The following ARHGAP8 variants were observed in gnomAD, a reference collection of about 807,000 sequenced individuals.
The protein encoded by ARHGAP8 is rho GTPase-activating protein 8.
Under a neutral mutation model 46.1 loss-of-function variants are expected in ARHGAP8, and 62 were observed. That is an observed-to-expected ratio of 1.34 (90% confidence interval 1.10 to 1.66). The LOEUF (loss-of-function observed/expected upper bound fraction) is 1.66, where lower values mean the gene tolerates loss of function less well. Among genes scored for constraint, ARHGAP8 ranks in the 40% most tolerant of loss-of-function variants. ARHGAP8 has a pLI of 0.00. For missense variants in ARHGAP8, 923 were observed against 568.4 expected, an observed-to-expected ratio of 1.62 and a Z score of -6.34; for synonymous variants, 375 against 243.1, an observed-to-expected ratio of 1.54 and a Z score of -5.05.
At chr22:44,838,140 A>ATTTTTTTTTTTTTTTT (rs61131873) in intron 7 of ARHGAP8, among the ~76,000 whole-genome samples, 17 of 143,500 alleles carry the variant, frequency 1.2e-4, no homozygotes, top group African/African-American at 4.4e-4. Flanking sequence ...TGCCTGGCTA[A>ATTTTTTTTTTTTTTTT]TTTTTTTTTT....
At chr22:44,850,286 T>G (rs1789151565) in intron 10 of ARHGAP8, 4 of 152,254 alleles carry the variant, frequency 2.6e-5, no homozygotes, top group African/African-American at 9.6e-5. Flanking sequence ...GCTGACTGAC[T>G]TTGGCTAGTG....
At chr22:44,810,273 A>G (rs546916833) in intron 4 of ARHGAP8, among the ~76,000 whole-genome samples, 45 of 120,364 alleles carry the variant, frequency 3.7e-4, no homozygotes, top group African/African-American at 1.4e-3. Context: ...ACAGAGTCTC[A>G]TTCTATTGCC....
intron 7 of ARHGAP8, among the ~76,000 whole-genome samples, chr22:44,827,350 T>TTTTG (rs1555916298): frequency 7.7e-6 from 1 of 130,010 alleles, no homozygotes; most frequent in African/African-American, 2.9e-5. Context: ...TTTTTTTTTT[T>TTTTG]TTTTTTTTTT....
intron 3 of ARHGAP8, among the ~76,000 whole-genome samples, chr22:44,806,679 G>A (rs1332008309): frequency 6.6e-6 from 1 of 152,140 alleles, no homozygotes; most frequent in Non-Finnish European, 1.5e-5. Context: ...CACAGGCCGG[G>A]CACGGTGGCT....
chr22:44,803,276 G>A (rs1018635477), intron 3 of ARHGAP8, among the ~76,000 whole-genome samples: 3 of 152,122 alleles, frequency 2.0e-5, no homozygotes, highest in African/African-American at 7.2e-5. Context: ...GTACAGGGTG[G>A]GGGGCCGTAG....
At chr22:44,789,755 C>T (rs891080789) in intron 2 of ARHGAP8, among the ~76,000 whole-genome samples, 1 of 152,122 alleles carries the variant, frequency 6.6e-6, no homozygotes, top group Admixed American at 6.5e-5. Flanking sequence ...CCTGTCTTGG[C>T]CTCCCAAAGT....
chr22:44,857,200 A>T (rs1429600315), intron 10 of ARHGAP8, among the ~76,000 whole-genome samples: 1 of 150,642 alleles, frequency 6.6e-6, no homozygotes, highest in Non-Finnish European at 1.5e-5. Context: ...TCGGCCTCTG[A>T]AAGTGCTGGT....
intron 2 of ARHGAP8, among the ~76,000 whole-genome samples, chr22:44,798,203 T>TC (rs1407351240): frequency 1.3e-5 from 2 of 151,700 alleles, no homozygotes; most frequent in African/African-American, 4.8e-5. Flanking sequence ...CTCGAACTCC[T>TC]CACCTAGGGT....
intron 7 of ARHGAP8, among the ~76,000 whole-genome samples, chr22:44,829,297 G>GA (rs71188490): frequency 0.17 from 22,531 of 133,158 alleles, 1,763 homozygotes; most frequent in East Asian, 0.29. Context: ...TCTCAAAAAA[G>GA]AAAAAAAAAA....
chr22:44,831,093 A>G (rs1157094851), intron 7 of ARHGAP8, among the ~76,000 whole-genome samples: 2 of 152,176 alleles, frequency 1.3e-5, no homozygotes, highest in East Asian at 1.9e-4. Context: ...TGGTTTGCAG[A>G]TGTTTTCTTC....
At chr22:44,783,477 C>G (rs1343159237) in intron 1 of ARHGAP8, among the ~76,000 whole-genome samples, 2 of 152,186 alleles carry the variant, frequency 1.3e-5, no homozygotes, top group African/African-American at 2.4e-5. Flanking sequence ...ATCCTGGAAG[C>G]CCCATCAGGC....
chr22:44,758,455 T>C (rs1924860648), intron 1 of ARHGAP8, among the ~76,000 whole-genome samples: 1 of 151,926 alleles, frequency 6.6e-6, no homozygotes, highest in Non-Finnish European at 1.5e-5. Flanking sequence ...CAAGGCTGGG[T>C]GTATGGGGGC....
At chr22:44,821,029 T>TGG (rs1930092239) in intron 5 of ARHGAP8, among the ~76,000 whole-genome samples, 1 of 152,252 alleles carries the variant, frequency 6.6e-6, no homozygotes, top group African/African-American at 2.4e-5. Context: ...CATGAATACT[T>TGG]ATTTCAAGAC....
At chr22:44,847,701 G>C (rs1437435384) in intron 8 of ARHGAP8, among the ~76,000 whole-genome samples, 3 of 152,208 alleles carry the variant, frequency 2.0e-5, no homozygotes, top group African/African-American at 7.2e-5. Flanking sequence ...GAGAGGCCGA[G>C]AGCTTTCTCT....
chr22:44,795,295 G>A (rs900985338), intron 2 of ARHGAP8, among the ~76,000 whole-genome samples: 7 of 152,126 alleles, frequency 4.6e-5, no homozygotes, highest in Non-Finnish European at 1.0e-4. Context: ...CTGGGCTGGG[G>A]TGTCTTTGCA....
In ARHGAP8 at chr22:44,855,244, T is replaced by TC. The variant is rs796752189; in HGVS notation, c.878-4485dup. ...AAGAATTTTTTTTTAAGACAGGGTC[T>TC]CCTTCTCCTTGACCTCTGGGCTCAA... On this transcript the variant is annotated intron_variant, in intron 10 of 11. Coordinates refer to ENST00000356099, the MANE Select transcript of ARHGAP8 (RefSeq NM_181335.3). Among the ~76,000 whole-genome samples the TC allele has an allele frequency of 1.2e-4, 18 of 151,996 alleles. 1 individual carries two copies. The highest frequency in any genetic ancestry group is 3.9e-4 in the African/African-American group (16 of 41,474).
intron 2 of ARHGAP8, among the ~76,000 whole-genome samples, chr22:44,796,133 A>G (rs1260489962): frequency 9.9e-5 from 15 of 152,110 alleles, no homozygotes. Context: ...CACATCTGTG[A>G]TCTCTGAACA....
intron 2 of ARHGAP8, among the ~76,000 whole-genome samples, chr22:44,799,463 G>A (rs1203470211): frequency 1.3e-5 from 2 of 152,194 alleles, no homozygotes; most frequent in Non-Finnish European, 2.9e-5. Context: ...GGAGGCGGGA[G>A]AGCATTCCAG....
intron 1 of ARHGAP8, among the ~76,000 whole-genome samples, chr22:44,756,818 G>A (rs1447534905): frequency 6.6e-6 from 1 of 151,970 alleles, no homozygotes; most frequent in East Asian, 1.9e-4. Flanking sequence ...GTGATGTTTT[G>A]ATATATGTAT....
Sources: allele counts gnomAD v4.1 joint callset (sites outside exome capture counted in the v4.1 genomes callset), GRCh38; gene constraint gnomAD v4.1.1; transcripts MANE v1.5; gene names NCBI Gene and HGNC (gene_info 2026-07-23, HGNC 2026-07-21).